The following CERS3 variants were observed in gnomAD, a reference collection of about 807,000 sequenced individuals.
CERS3 encodes LAG1 homolog, ceramide synthase 3.
In CERS3, 33 loss-of-function variants were observed where a neutral mutation model predicts 50.3. That is an observed-to-expected ratio of 0.66 (90% CI 0.50 to 0.88). The LOEUF is 0.88. Ranked by LOEUF, CERS3 falls within the 40% of genes least tolerant of loss-of-function variation. The probability of loss-of-function intolerance (pLI) is 0.00; values close to 1 mark genes in which losing one functional copy is unlikely to be tolerated. For missense variants in CERS3, 470 were observed against 460.3 expected (o/e 1.02, Z -0.19); for synonymous variants, 176 against 155.2 (o/e 1.13, Z -0.99).
intron 11 of CERS3, among the ~76,000 whole-genome samples, chr15:100,426,938 A>G (rs924829529): frequency 8.5e-5 from 13 of 152,092 alleles, no homozygotes; most frequent in African/African-American, 9.7e-5. Flanking sequence ...GTTACACTCA[A>G]TTGGGTCCTT....
intron 9 of CERS3, among the ~76,000 whole-genome samples, chr15:100,472,146 G>A (rs892794618): frequency 2.0e-5 from 3 of 152,086 alleles, no homozygotes; most frequent in African/African-American, 4.8e-5. Flanking sequence ...AATCCCAAAT[G>A]TGAAATGGGT....
intron 2 of CERS3, among the ~76,000 whole-genome samples, chr15:100,517,298 C>T (rs138728436): frequency 6.6e-6 from 1 of 152,236 alleles, no homozygotes; most frequent in Non-Finnish European, 1.5e-5. Flanking sequence ...TCACTATTTA[C>T]ATTTCCTCAT....
chr15:100,443,650 G>T (rs1165550567), intron 11 of CERS3, among the ~76,000 whole-genome samples: 1 of 141,514 alleles, frequency 7.1e-6, no homozygotes, highest in Admixed American at 7.2e-5. Flanking sequence ...GGGCTGTACT[G>T]CCCCAAAGCT....
rs563767295 is a variant in CERS3 at position 100,445,554 on chromosome 15, C to T, written c.999+10339G>A. ...CAATTCATACAAAACTGTATCCAGG[C>T]CATCACCAATAATTCTAAATGACAA... On this transcript the variant is annotated intron_variant, in intron 11 of 11. Coordinates refer to ENST00000679737, the MANE Select transcript of CERS3 (RefSeq NM_001378789.1). 1.9e-4 allele frequency among the ~76,000 whole-genome samples: 29 copies of T among 152,232 alleles called. 1 individual carries two copies. Among genetic ancestry groups the T allele is most frequent in the South Asian group, 8.3e-4 (4 of 4,818 alleles).
chr15:100,544,242 T>C (rs942836211), intron 1 of CERS3: 2 of 152,408 alleles, frequency 1.3e-5, no homozygotes, highest in South Asian at 2.1e-4. Context: ...ACTGTCGCCC[T>C]GGAGCGCTCC....
At chr15:100,489,550 C>T (rs753299048) in intron 4 of CERS3, among the ~76,000 whole-genome samples, 1 of 152,128 alleles carries the variant, frequency 6.6e-6, no homozygotes, top group Non-Finnish European at 1.5e-5. Context: ...CTGTTCTTCC[C>T]ATTTTATACA....
At position 100,479,428 on chromosome 15, in the gene CERS3, C is replaced by T; in HGVS notation, c.516G>A (p.Gln172=). The T allele has an allele frequency of 6.2e-7, 1 of 1,601,762 alleles. No homozygotes were observed. Among genetic ancestry groups the T allele is most frequent in the Non-Finnish European group, 8.5e-7 (1 of 1,174,106 alleles). The change falls in exon 7 of 12, where the codon CAG becomes CAA. Residue 172 remains glutamine, a splice_region_variant and synonymous_variant. Coordinates refer to ENST00000679737, the MANE Select transcript of CERS3 (RefSeq NM_001378789.1). ...LWEVWNGYPK[Q]PLLPSQYWYY... is the part of the protein sequence containing the mutation. ...GAGGAATATGTTATAGTGGACTTACCTGTTTGGGATAGCCATTCCAAACCT... is the reference window on the plus strand; with the variant it reads ...GAGGAATATGTTATAGTGGACTTACTTGTTTGGGATAGCCATTCCAAACCT...
intron 10 of CERS3, among the ~76,000 whole-genome samples, chr15:100,467,787 A>G (rs1475006110): frequency 3.6e-5 from 4 of 112,456 alleles, no homozygotes; most frequent in Non-Finnish European, 8.0e-5. Flanking sequence ...ATATACACAC[A>G]TATATATGTA....
chr15:100,487,585 C>T (rs1014270315), intron 4 of CERS3, among the ~76,000 whole-genome samples: 4 of 152,126 alleles, frequency 2.6e-5, no homozygotes, highest in African/African-American at 7.2e-5. Context: ...TGGGTTGGAA[C>T]ATGCAGGAAA....
At chr15:100,543,524 C>T (rs1396281329) in intron 1 of CERS3, among the ~76,000 whole-genome samples, 3 of 136,972 alleles carry the variant, frequency 2.2e-5, no homozygotes, top group African/African-American at 2.7e-5. Flanking sequence ...CTCCCTCCTT[C>T]CTTTCTTTCT....
chr15:100,483,311 C>G (rs1236740370), intron 5 of CERS3, among the ~76,000 whole-genome samples: 1 of 152,216 alleles, frequency 6.6e-6, no homozygotes, highest in East Asian at 1.9e-4. Flanking sequence ...GTGTGATAAT[C>G]TGGCCTCCCT....
chr15:100,411,225 C>T (rs1464704307), intron 11 of CERS3, among the ~76,000 whole-genome samples: 2 of 152,118 alleles, frequency 1.3e-5, no homozygotes, highest in Non-Finnish European at 2.9e-5. Context: ...TGCAGTGGCA[C>T]GATCTTGGCT....
chr15:100,441,954 G>A (rs989438213), intron 11 of CERS3, among the ~76,000 whole-genome samples: 1 of 151,784 alleles, frequency 6.6e-6, no homozygotes, highest in African/African-American at 2.4e-5. Context: ...ACCAGGCTGA[G>A]CTAGGTCCCA....
intron 2 of CERS3, among the ~76,000 whole-genome samples, chr15:100,518,347 G>C (rs1346284786): frequency 2.0e-5 from 3 of 151,338 alleles, no homozygotes; most frequent in Admixed American, 6.6e-5. Flanking sequence ...GAGAAGGACA[G>C]AGAGAGAGAG....
chr15:100,440,307 C>T (rs2033621962), intron 11 of CERS3, among the ~76,000 whole-genome samples: 1 of 152,226 alleles, frequency 6.6e-6, no homozygotes, highest in African/African-American at 2.4e-5. Flanking sequence ...GTGACCTGCA[C>T]ATACACATCC....
intron 6 of CERS3, 81 bp downstream of exon 6, chr15:100,479,908 C>T: frequency 2.0e-6 from 2 of 1,003,192 alleles, no homozygotes; most frequent in Non-Finnish European, 3.1e-6. Flanking sequence ...ATTGAAAGTA[C>T]TATACCCTAA....
chr15:100,414,701 G>A (rs747365738), intron 11 of CERS3, among the ~76,000 whole-genome samples: 1 of 151,986 alleles, frequency 6.6e-6, no homozygotes, highest in Non-Finnish European at 1.5e-5. Context: ...TTTAATAAAT[G>A]GTGCTGGGAA....
chr15:100,543,429 T>A (rs193249288), intron 1 of CERS3, among the ~76,000 whole-genome samples: 31 of 152,264 alleles, frequency 2.0e-4, no homozygotes, highest in African/African-American at 7.2e-4. Context: ...AAATTGAGGG[T>A]AAGCTCAAAT....
chr15:100,449,327 G>A (rs1317934217), intron 11 of CERS3, among the ~76,000 whole-genome samples: 1 of 152,216 alleles, frequency 6.6e-6, no homozygotes, highest in Admixed American at 6.5e-5. Context: ...GGAGCCAGAG[G>A]ATTGTTAAGT....
Sources: allele counts gnomAD v4.1 joint callset (sites outside exome capture counted in the v4.1 genomes callset), GRCh38; gene constraint gnomAD v4.1.1; transcripts MANE v1.5; gene names NCBI Gene and HGNC (gene_info 2026-07-23, HGNC 2026-07-21).